PRELID2: variants seen among roughly 807,000 people sequenced by gnomAD.
The protein encoded by PRELID2 is PRELI domain containing 2.
Under a neutral mutation model 28.4 loss-of-function variants are expected in PRELID2, and 25 were observed. The observed-to-expected ratio is 0.88, with a 90% CI of 0.64 to 1.23. The LOEUF (loss-of-function observed/expected upper bound fraction) is 1.23, where lower values mean the gene tolerates loss of function less well. Ranked by LOEUF, PRELID2 falls within the 50% of genes most tolerant of loss-of-function variation. PRELID2 has a pLI of 0.00. For missense variants in PRELID2, 201 were observed against 214.4 expected (o/e 0.94, Z 0.39); for synonymous variants, 76 against 71.6 (o/e 1.06, Z -0.31).
chr5:145,292,800 T>TG, the PRELID2 span, among the ~76,000 whole-genome samples: 4 of 152,040 alleles, frequency 2.6e-5, no homozygotes, highest in African/African-American at 9.7e-5. Flanking sequence ...CTAAATATTC[T>TG]GGGCTCAAGT....
chr5:145,591,940 T>C (rs1753235099), intron 1 of PRELID2, among the ~76,000 whole-genome samples: 1 of 152,230 alleles, frequency 6.6e-6, no homozygotes, highest in Non-Finnish European at 1.5e-5. Context: ...TCAGTCTCAC[T>C]GCTTCATGTA....
chr5:145,243,684 T>C, the PRELID2 span, among the ~76,000 whole-genome samples: 2 of 151,626 alleles, frequency 1.3e-5, no homozygotes, highest in Admixed American at 1.3e-4. Flanking sequence ...TATATAGCCT[T>C]TTAAAATTGG....
the PRELID2 span, among the ~76,000 whole-genome samples, chr5:145,304,836 T>G: frequency 6.6e-6 from 1 of 152,110 alleles, no homozygotes; most frequent in Admixed American, 6.6e-5. Context: ...ACATCAAAAT[T>G]TTGTAAACAA....
chr5:145,244,860 A>G, the PRELID2 span, among the ~76,000 whole-genome samples: 1 of 152,114 alleles, frequency 6.6e-6, no homozygotes, highest in Non-Finnish European at 1.5e-5. Context: ...AGTTCTACCT[A>G]GAATAAAATC....
At chr5:145,332,318 G>A in the PRELID2 span, among the ~76,000 whole-genome samples, 1 of 152,118 alleles carries the variant, frequency 6.6e-6, no homozygotes, top group Non-Finnish European at 1.5e-5. Flanking sequence ...GGTCTGTCTG[G>A]CTAGGCTGGG....
At chr5:145,615,982 T>C (rs763950258) in intron 1 of PRELID2, among the ~76,000 whole-genome samples, 10 of 152,178 alleles carry the variant, frequency 6.6e-5, no homozygotes, top group Non-Finnish European at 1.3e-4. Flanking sequence ...AGACTGTATC[T>C]TTCCTTCATA....
At chr5:145,779,728 TCTCATA>T (rs1758663395) in intron 5 of PRELID2, among the ~76,000 whole-genome samples, 1 of 152,142 alleles carries the variant, frequency 6.6e-6, no homozygotes, top group African/African-American at 2.4e-5. Flanking sequence ...TCTCCTTCAC[TCTCATA>T]CTCATAAGAT....
chr5:145,795,717 C>G (rs1752696509), intron 5 of PRELID2: 1 of 152,084 alleles, frequency 6.6e-6, no homozygotes, highest in African/African-American at 2.4e-5. Flanking sequence ...CTGCTTTATA[C>G]TGAGCACTGC....
the PRELID2 span, among the ~76,000 whole-genome samples, chr5:145,248,340 TTTTA>T: frequency 5.3e-5 from 8 of 152,212 alleles, no homozygotes; most frequent in African/African-American, 1.9e-4. Flanking sequence ...CATAGGTTGG[TTTTA>T]TTTTATAATT....
chr5:145,500,626 T>C (rs1334976694), intron 1 of PRELID2, among the ~76,000 whole-genome samples: 1 of 152,250 alleles, frequency 6.6e-6, no homozygotes. Context: ...AGGTTTTTGG[T>C]TGCAAGTAAC....
the PRELID2 span, among the ~76,000 whole-genome samples, chr5:145,398,109 T>C: frequency 4.6e-3 from 706 of 152,222 alleles, 6 homozygotes; most frequent in African/African-American, 0.016. Flanking sequence ...TCAGGCAAGC[T>C]TCAACCAGCT....
intron 1 of PRELID2, among the ~76,000 whole-genome samples, chr5:145,736,856 T>C (rs993818040): frequency 1.4e-4 from 22 of 152,190 alleles, no homozygotes; most frequent in Non-Finnish European, 7.3e-5. Flanking sequence ...TTCCTAGTAA[T>C]CAAATAAGTG....
the PRELID2 span, among the ~76,000 whole-genome samples, chr5:145,278,151 C>T: frequency 6.6e-6 from 1 of 152,154 alleles, no homozygotes. Flanking sequence ...AATCCTCACA[C>T]TTTTGTTCCC....
the PRELID2 span, among the ~76,000 whole-genome samples, chr5:145,319,408 C>T: frequency 6.6e-6 from 1 of 152,054 alleles, no homozygotes; most frequent in Non-Finnish European, 1.5e-5. Context: ...GTGGCTCATG[C>T]GTGTAATCCC....
chr5:145,255,703 C>G, the PRELID2 span, among the ~76,000 whole-genome samples: 1 of 151,924 alleles, frequency 6.6e-6, no homozygotes, highest in Non-Finnish European at 1.5e-5. Context: ...ATCTCTTGAG[C>G]CTGGGAAATT....
chr5:145,793,897 C>T lies in PRELID2; in HGVS notation c.474+2545G>A, dbSNP rs552109309. Among the ~76,000 whole-genome samples the T allele has an allele frequency of 1.4e-4, 21 of 152,068 alleles. No individual in the cohort carries two copies. The South Asian group carries it at 2.9e-3, about 21-fold the overall frequency. On this transcript the variant is annotated intron_variant, in intron 5 of 6. Transcript: ENST00000683046. ...CTAGAAACTTTGGGGAGTATATATC[C>T]GCCCCACAACCCCTTCCCCTGAGAA...
At chr5:145,427,662 T>G in the PRELID2 span, among the ~76,000 whole-genome samples, 1 of 152,028 alleles carries the variant, frequency 6.6e-6, no homozygotes, top group Non-Finnish European at 1.5e-5. Context: ...GTCCTTGCCC[T>G]CATAGAGTTT....
intron 1 of PRELID2, among the ~76,000 whole-genome samples, chr5:145,712,630 A>C (rs1755725678): frequency 6.6e-6 from 1 of 152,218 alleles, no homozygotes; most frequent in South Asian, 2.1e-4. Flanking sequence ...TATCCAGCAT[A>C]CAATTTTAAA....
At chr5:145,301,847 T>C in the PRELID2 span, among the ~76,000 whole-genome samples, 1 of 151,650 alleles carries the variant, frequency 6.6e-6, no homozygotes, top group African/African-American at 2.4e-5. Context: ...TATCCTTACA[T>C]CAAAACCATA....
Sources: gnomAD v4.1 joint callset for allele counts (sites outside exome capture counted in the v4.1 genomes callset) on GRCh38, gnomAD v4.1.1 for gene constraint, MANE v1.5 for transcripts, NCBI Gene and HGNC (gene_info 2026-07-23, HGNC 2026-07-21) for gene names.